Variants in ABHD3 observed in about 807,000 individuals in gnomAD.
ABHD3 encodes phospholipase ABHD3.
In ABHD3, 46 loss-of-function variants were observed where a neutral mutation model predicts 48.8. The observed-to-expected ratio is 0.94, with a 90% confidence interval of 0.74 to 1.20. ABHD3 has a LOEUF of 1.20. Among genes scored for constraint, ABHD3 ranks in the 50% most tolerant of loss-of-function variants. ABHD3 has a pLI of 0.00. For synonymous variants in ABHD3, 192 were observed against 183.7 expected (o/e 1.04, Z -0.36); for missense variants, 490 against 497.8 (o/e 0.98, Z 0.15).
chr18:21,702,635 C>A lies in ABHD3; in HGVS notation c.327-137G>T, dbSNP rs1182008435. Reference sequence around the variant, plus strand: ...CATTCACGAACACACACCCATATCTCGATCTACATATCATTTTCTTTCATT... The same window carrying A: ...CATTCACGAACACACACCCATATCTAGATCTACATATCATTTTCTTTCATT... On this transcript the variant is annotated intron_variant, in intron 2 of 8. Transcript: ENST00000289119. 6.1e-6 allele frequency: 4 copies of A among 655,466 alleles called. No individual in the cohort carries two copies. The South Asian group carries it at 8.6e-5, about 14-fold the overall frequency. The allele number at this position is 655,466 out of a possible 1,614,324, so 40.6% of individuals were successfully genotyped here.
intron 4 of ABHD3, among the ~76,000 whole-genome samples, chr18:21,683,187 T>C (rs1448526647): frequency 1.3e-5 from 2 of 152,014 alleles, no homozygotes; most frequent in Non-Finnish European, 1.5e-5. Flanking sequence ...CCTGTTGAGA[T>C]TGTAAAAAGT....
chr18:21,656,832 C>G, intron 8 of ABHD3, 29 bp downstream of exon 8: 2 of 1,529,822 alleles, frequency 1.3e-6, no homozygotes, highest in South Asian at 2.5e-5. Flanking sequence ...TGATTCATGT[C>G]AAAATATATA....
intron 4 of ABHD3, among the ~76,000 whole-genome samples, chr18:21,675,449 A>G (rs1346911997): frequency 1.3e-5 from 2 of 151,612 alleles, no homozygotes; most frequent in South Asian, 4.2e-4. Context: ...TTGTGTTTTT[A>G]GTAGAGACAG....
At chr18:21,654,027 T>C (rs1161755852) in intron 8 of ABHD3, among the ~76,000 whole-genome samples, 1 of 151,702 alleles carries the variant, frequency 6.6e-6, no homozygotes, top group Non-Finnish European at 1.5e-5. Flanking sequence ...GTATTTTTTT[T>C]TTTTAGTAGA....
chr18:21,657,164 G>A lies in ABHD3; in HGVS notation c.843-12C>T, dbSNP rs888430174. 1.3e-6 allele frequency: 2 copies of A among 1,591,522 alleles called. No homozygotes were observed. Among genetic ancestry groups the A allele is most frequent in the African/African-American group, 1.4e-5 (1 of 73,684 alleles). On this transcript the variant is annotated splice_polypyrimidine_tract_variant and intron_variant, in intron 6 of 8. Coordinates refer to ENST00000289119, the MANE Select transcript of ABHD3 (RefSeq NM_138340.5). ...ACATATGTCGGTGCCTGGAACAAAA[G>A]AATTTCGGAAGTAAAAATCAAGATC...
chr18:21,702,913 T>C (rs1032695056), intron 2 of ABHD3, among the ~76,000 whole-genome samples: 1 of 152,220 alleles, frequency 6.6e-6, no homozygotes, highest in Non-Finnish European at 1.5e-5. Context: ...TCTCCTTGTA[T>C]AGTATACTTC....
chr18:21,658,933 G>C (rs754917068), intron 6 of ABHD3, among the ~76,000 whole-genome samples: 1 of 151,768 alleles, frequency 6.6e-6, no homozygotes, highest in Non-Finnish European at 1.5e-5. Flanking sequence ...CCGCCTCCTG[G>C]GTTCAAGCAA....
intron 3 of ABHD3, among the ~76,000 whole-genome samples, chr18:21,688,028 T>C (rs1361609373): frequency 6.6e-6 from 1 of 152,214 alleles, no homozygotes; most frequent in Non-Finnish European, 1.5e-5. Flanking sequence ...CACAGTGAGA[T>C]GGACCAGAGA....
chr18:21,672,658 A>C (rs1025692340), intron 4 of ABHD3, among the ~76,000 whole-genome samples: 1 of 152,236 alleles, frequency 6.6e-6, no homozygotes. Flanking sequence ...TGATCTCTAC[A>C]GTGTGATGTG....
intron 3 of ABHD3, among the ~76,000 whole-genome samples, chr18:21,687,551 T>C (rs2040155722): frequency 6.6e-6 from 1 of 152,160 alleles, no homozygotes; most frequent in Admixed American, 6.5e-5. Context: ...CCAATTAATT[T>C]TTACAGTTAC....
At chr18:21,668,413 C>T (rs1324752571) in intron 4 of ABHD3, among the ~76,000 whole-genome samples, 3 of 151,782 alleles carry the variant, frequency 2.0e-5, no homozygotes, top group African/African-American at 7.3e-5. Context: ...ATTATATAGG[C>T]TTTAACTATA....
At position 21,704,622 on chromosome 18, in the gene ABHD3, A is replaced by T. The variant is rs906831466; in HGVS notation, c.44T>A (p.Leu15His). ...AMDLRMLSRE[L>H]SLYLEHQVRV... is the part of the protein sequence containing the mutation. ...GACTTGGTGTTCCAGGTAGAGGGAG[A>T]GCTCCCGGGACAACATCCGCAGGTC... The change falls in exon 1 of 9, where the codon CTC becomes CAC. Residue 15 changes from leucine to histidine, a missense_variant. By Grantham distance (99) the Leu-to-His change is moderately conservative. Coordinates refer to ENST00000289119, the MANE Select transcript of ABHD3 (RefSeq NM_138340.5). 1.3e-6 allele frequency: 2 copies of T among 1,548,998 alleles called. No homozygotes were observed. Among genetic ancestry groups the T allele is most frequent in the Non-Finnish European group, 1.7e-6 (2 of 1,150,856 alleles).
intron 4 of ABHD3, among the ~76,000 whole-genome samples, chr18:21,666,427 C>T (rs1459150544): frequency 6.6e-6 from 1 of 152,096 alleles, no homozygotes; most frequent in Non-Finnish European, 1.5e-5. Context: ...CTCCTGACCT[C>T]ATGATCTGCC....
At chr18:21,703,193 A>C in intron 2 of ABHD3, among the ~76,000 whole-genome samples, 1 of 149,472 alleles carries the variant, frequency 6.7e-6, no homozygotes. Context: ...CCAAAACCCA[A>C]ATTAAGTGGC....
At chr18:21,695,251 A>G (rs1223600075) in intron 3 of ABHD3, among the ~76,000 whole-genome samples, 1 of 152,178 alleles carries the variant, frequency 6.6e-6, no homozygotes, top group Non-Finnish European at 1.5e-5. Flanking sequence ...GCTGGTTTCG[A>G]ACTCTTGTCC....
intron 4 of ABHD3, among the ~76,000 whole-genome samples, chr18:21,681,803 G>A (rs531143206): frequency 6.6e-6 from 1 of 152,270 alleles, no homozygotes; most frequent in East Asian, 1.9e-4. Context: ...GGAGGGGTAA[G>A]TTCCTAACCT....
chr18:21,652,405 AAGAG>A (rs1056960119), intron 8 of ABHD3, among the ~76,000 whole-genome samples: 18 of 152,080 alleles, frequency 1.2e-4, no homozygotes, highest in African/African-American at 3.6e-4. Context: ...GAACGAAAGA[AAGAG>A]AAAGACAAAA....
chr18:21,677,090 C>T (rs2039899388), intron 4 of ABHD3, among the ~76,000 whole-genome samples: 1 of 152,152 alleles, frequency 6.6e-6, no homozygotes, highest in Non-Finnish European at 1.5e-5. Flanking sequence ...ATAGATTTGC[C>T]TATTTTGAAT....
intron 8 of ABHD3, among the ~76,000 whole-genome samples, chr18:21,655,922 C>G (rs1048124093): frequency 2.0e-5 from 3 of 151,114 alleles, no homozygotes; most frequent in Admixed American, 6.6e-5. Context: ...TTTGGGGGAA[C>G]CAGGCAGGCG....
Sources: gnomAD v4.1 joint callset for allele counts (sites outside exome capture counted in the v4.1 genomes callset) on GRCh38, gnomAD v4.1.1 for gene constraint, MANE v1.5 for transcripts, NCBI Gene and HGNC (gene_info 2026-07-23, HGNC 2026-07-21) for gene names.